Variants in DNAH11 observed in about 807,000 individuals in gnomAD.
DNAH11 encodes dynein axonemal heavy chain 11, also known as axonemal beta dynein heavy chain 11.
DNAH11 carries 442 observed loss-of-function variants against 526.0 expected under a neutral mutation model. That is an observed-to-expected ratio of 0.84 (90% CI 0.78 to 0.91). The LOEUF (loss-of-function observed/expected upper bound fraction) is 0.91, where lower values mean the gene tolerates loss of function less well. DNAH11 is among the 40% of genes least tolerant of loss of function. DNAH11 has a pLI of 0.00. For missense variants in DNAH11, 6,989 were observed against 5,448.7 expected (o/e 1.28, Z -8.90); for synonymous variants, 2,461 against 1,935.9 (o/e 1.27, Z -7.12).
chr7:21,792,337 C>T (rs1215975721), intron 61 of DNAH11, among the ~76,000 whole-genome samples: 1 of 152,124 alleles, frequency 6.6e-6, no homozygotes, highest in East Asian at 1.9e-4. Context: ...AGAATTTTTG[C>T]ATCTGTCTTC....
intron 40 of DNAH11, among the ~76,000 whole-genome samples, chr7:21,709,946 A>G (rs545386442): frequency 1.1e-4 from 17 of 152,250 alleles, no homozygotes; most frequent in Middle Eastern, 3.4e-3. Context: ...AAAATTTGCA[A>G]CTGTTAAATA....
chr7:21,744,826 A>G lies in DNAH11; in HGVS notation c.8317-44A>G, dbSNP rs750868899. On this transcript the variant is annotated intron_variant, in intron 50 of 81. Coordinates refer to ENST00000409508, the MANE Select transcript of DNAH11 (RefSeq NM_001277115.2). Reference sequence around the variant, plus strand: ...CCATGCTGCCTGCAGCTGGACCTCTATGGATGGTTGACATGCCATATTTTT... The same window carrying G: ...CCATGCTGCCTGCAGCTGGACCTCTGTGGATGGTTGACATGCCATATTTTT... 3.1e-5 allele frequency: 48 copies of G among 1,570,066 alleles called. No homozygotes were observed. In the East Asian group the frequency reaches 4.4e-4, roughly 14 times the overall value.
At chr7:21,816,865 G>A (rs546864270) in intron 64 of DNAH11, among the ~76,000 whole-genome samples, 163 bp downstream of exon 64, 1 of 152,158 alleles carries the variant, frequency 6.6e-6, no homozygotes, top group Non-Finnish European at 1.5e-5. Flanking sequence ...AAGTATCTCT[G>A]TTGAAAAGGC....
At chr7:21,861,562 C>G (rs74495061) in intron 68 of DNAH11, among the ~76,000 whole-genome samples, 1 of 152,096 alleles carries the variant, frequency 6.6e-6, no homozygotes, top group South Asian at 2.1e-4. Context: ...CTACCACAAT[C>G]AAATACTAAA....
At chr7:21,661,652 G>A (rs1157537014) in intron 30 of DNAH11, among the ~76,000 whole-genome samples, 1 of 151,808 alleles carries the variant, frequency 6.6e-6, no homozygotes, top group Non-Finnish European at 1.5e-5. Flanking sequence ...GGAATCCAGG[G>A]CCAGATTAAG....
At chr7:21,545,491 A>G (rs1038435917) in intron 2 of DNAH11, among the ~76,000 whole-genome samples, 1 of 152,200 alleles carries the variant, frequency 6.6e-6, no homozygotes, top group African/African-American at 2.4e-5. Flanking sequence ...CCTTAGCAGC[A>G]GGTTTTAAGC....
chr7:21,753,713 A>G, intron 54 of DNAH11, among the ~76,000 whole-genome samples: 1 of 152,198 alleles, frequency 6.6e-6, no homozygotes, highest in East Asian at 1.9e-4. Context: ...GCATTGCACT[A>G]TAAATTAGTA....
In DNAH11 at chr7:21,600,909, T is replaced by C; in HGVS notation, c.3234T>C (p.Thr1078=). 6.2e-7 allele frequency: 1 copy of C among 1,613,804 alleles called. No individual in the cohort carries two copies. Among genetic ancestry groups the C allele is most frequent in the Non-Finnish European group, 8.5e-7 (1 of 1,179,780 alleles). The change falls in exon 16 of 82, where the codon ACT becomes ACC. Residue 1078 remains threonine (T), a synonymous_variant. Coordinates refer to ENST00000409508, the MANE Select transcript of DNAH11 (RefSeq NM_001277115.2). The part of the protein sequence containing the change: ...ANEEIPEQPP[T]LEQFKEQIDI... The stretch of plus-strand genomic sequence containing the variant: ...AAGAAATTCCCGAACAACCACCAAC[T>C]CTTGAGCAATTCAAAGAACAGGCAA...
intron 18 of DNAH11, among the ~76,000 whole-genome samples, chr7:21,605,193 T>C (rs1484030257): frequency 6.6e-6 from 1 of 152,240 alleles, no homozygotes; most frequent in African/African-American, 2.4e-5. Context: ...TTTCCATAAC[T>C]GGCAGTTACT....
intron 66 of DNAH11, among the ~76,000 whole-genome samples, chr7:21,850,903 T>C (rs150316418): frequency 6.6e-6 from 1 of 152,350 alleles, no homozygotes; most frequent in African/African-American, 2.4e-5. Flanking sequence ...ACTGATATTA[T>C]ACTGGAGTCT....
intron 40 of DNAH11, among the ~76,000 whole-genome samples, chr7:21,709,644 C>T (rs146777058): frequency 6.6e-6 from 1 of 152,170 alleles, no homozygotes; most frequent in Non-Finnish European, 1.5e-5. Flanking sequence ...ATCCTCTCGT[C>T]TTGTGTACAC....
At chr7:21,613,107 TA>T (rs559502831) in intron 20 of DNAH11, among the ~76,000 whole-genome samples, 3 of 150,520 alleles carry the variant, frequency 2.0e-5, no homozygotes, top group Admixed American at 6.6e-5. Flanking sequence ...CTATCAGAAG[TA>T]AAAAAAAATA....
intron 61 of DNAH11, among the ~76,000 whole-genome samples, chr7:21,793,919 T>A (rs1043685301): frequency 2.0e-5 from 3 of 152,218 alleles, no homozygotes; most frequent in Non-Finnish European, 4.4e-5. Context: ...ATGTGCTCTT[T>A]TGAGGTCATT....
At chr7:21,621,827 TAAG>T (rs1363870996) in intron 25 of DNAH11, among the ~76,000 whole-genome samples, 3 of 152,092 alleles carry the variant, frequency 2.0e-5, no homozygotes, top group African/African-American at 7.3e-5. Context: ...CTCAAAATAA[TAAG>T]AGCTATCTAT....
intron 77 of DNAH11, among the ~76,000 whole-genome samples, chr7:21,894,302 G>A (rs921101000): frequency 6.6e-6 from 1 of 152,130 alleles, no homozygotes; most frequent in Non-Finnish European, 1.5e-5. Context: ...TAAATAACAT[G>A]TAGCTGATGA....
intron 25 of DNAH11, among the ~76,000 whole-genome samples, chr7:21,626,833 C>T (rs961031316): frequency 6.8e-6 from 1 of 146,006 alleles, no homozygotes; most frequent in Non-Finnish European, 1.5e-5. Flanking sequence ...TCACTGCAAG[C>T]TCTGCCTTCC....
chr7:21,591,438 G>A lies in DNAH11; in HGVS notation c.2528G>A (p.Gly843Asp), dbSNP rs774110249. 8 of 1,613,956 alleles carry A rather than the reference G, an allele frequency of 5.0e-6. No homozygotes were observed. Among genetic ancestry groups the A allele is most frequent in the South Asian group, 2.2e-5 (2 of 91,070 alleles). ...NVKVIQQTMR[G>D]WARCVLPPRR... ...AAGGTGATCCAGCAGACCATGAGGG[G>A]CTGGGCCAGGTGCGTGCTACCTCCC... The change falls in exon 14 of 82, where the codon GGC (glycine) becomes GAC (aspartate). Residue 843 changes from glycine to aspartate, a missense_variant. Transcript: ENST00000409508.
intron 67 of DNAH11, among the ~76,000 whole-genome samples, chr7:21,853,633 C>A (rs992753551): frequency 1.3e-5 from 2 of 152,052 alleles, no homozygotes; most frequent in African/African-American, 4.8e-5. Flanking sequence ...AATACTGTAT[C>A]CTATGGGACC....
At chr7:21,652,305 C>G (rs1781811160) in intron 28 of DNAH11, among the ~76,000 whole-genome samples, 1 of 152,184 alleles carries the variant, frequency 6.6e-6, no homozygotes, top group Admixed American at 6.5e-5. Context: ...CAAAAACTGA[C>G]TTCACATTGA....
Sources: allele counts gnomAD v4.1 joint callset (sites outside exome capture counted in the v4.1 genomes callset), GRCh38; gene constraint gnomAD v4.1.1; transcripts MANE v1.5; gene names NCBI Gene and HGNC (gene_info 2026-07-23, HGNC 2026-07-21).